The following PLBD1 variants were observed in gnomAD, a reference collection of about 807,000 sequenced individuals.
The protein encoded by PLBD1 is phospholipase B domain containing 1.
PLBD1 carries 60 observed loss-of-function variants against 63.0 expected under a neutral mutation model. The observed-to-expected ratio is 0.95, with a 90% CI of 0.77 to 1.18. PLBD1 has a LOEUF of 1.18. Among genes scored for constraint, PLBD1 ranks in the 50% most tolerant of loss-of-function variants. The probability of loss-of-function intolerance (pLI) is 0.00; values close to 1 mark genes in which losing one functional copy is unlikely to be tolerated. For missense variants in PLBD1, 598 were observed against 677.9 expected, an observed-to-expected ratio of 0.88 and a Z score of 1.31; for synonymous variants, 262 against 248.0, an observed-to-expected ratio of 1.06 and a Z score of -0.53.
intron 2 of PLBD1, among the ~76,000 whole-genome samples, chr12:14,548,735 T>C (rs1042622462): frequency 6.6e-6 from 1 of 152,172 alleles, no homozygotes; most frequent in Non-Finnish European, 1.5e-5. Context: ...TTGAAGAATG[T>C]AGTCAGGAAC....
At chr12:14,548,159 G>T (rs1040633493) in intron 2 of PLBD1, among the ~76,000 whole-genome samples, 1 of 151,874 alleles carries the variant, frequency 6.6e-6, no homozygotes, top group African/African-American at 2.4e-5. Context: ...TACATCATTA[G>T]AAATTTTTGA....
chr12:14,550,097 A>G (rs973357743), intron 2 of PLBD1, among the ~76,000 whole-genome samples: 1 of 152,170 alleles, frequency 6.6e-6, no homozygotes, highest in Non-Finnish European at 1.5e-5. Context: ...GTTCTCTTCT[A>G]TCAAGCACCA....
intron 1 of PLBD1, among the ~76,000 whole-genome samples, chr12:14,560,244 T>C (rs778775570): frequency 1.3e-5 from 2 of 152,228 alleles, no homozygotes; most frequent in African/African-American, 2.4e-5. Flanking sequence ...AAAATACTCA[T>C]AAGTAGCTTA....
chr12:14,540,886 T>C lies in PLBD1; in HGVS notation c.436A>G (p.Thr146Ala), dbSNP rs1271889753. The change falls in exon 4 of 11, where the codon ACC becomes GCC. Residue 146 changes from threonine (T) to alanine (A), a missense_variant. Thr to Ala is a moderately conservative substitution (Grantham distance 58). Transcript: ENST00000240617. The part of the protein sequence containing the change: ...QDFMEKQDKW[T>A]RKNIKEYKTD... Reference sequence around the variant, plus strand: ...TTGTATTCTTTGATATTTTTCCGGGTCCACTTATCTTGCTTCCTGGAAGAG... The same window carrying C: ...TTGTATTCTTTGATATTTTTCCGGGCCCACTTATCTTGCTTCCTGGAAGAG... 2 of 1,599,116 alleles carry C rather than the reference T, an allele frequency of 1.3e-6. No homozygotes were observed. The highest frequency in any genetic ancestry group is 1.7e-6 in the Non-Finnish European group (2 of 1,169,296).
intron 2 of PLBD1, among the ~76,000 whole-genome samples, chr12:14,549,722 G>A (rs761272478): frequency 2.0e-5 from 3 of 152,054 alleles, no homozygotes; most frequent in Non-Finnish European, 4.4e-5. Flanking sequence ...AGGCTGGAGT[G>A]CAATGGCGCA....
chr12:14,561,837 T>A (rs1592011773), intron 1 of PLBD1, among the ~76,000 whole-genome samples: 2 of 152,310 alleles, frequency 1.3e-5, no homozygotes, highest in Middle Eastern at 3.4e-3. Context: ...ATTACAGGCG[T>A]GAGCCACTGC....
intron 6 of PLBD1, among the ~76,000 whole-genome samples, chr12:14,512,473 A>G (rs1003105618): frequency 6.6e-6 from 1 of 152,156 alleles, no homozygotes; most frequent in Non-Finnish European, 1.5e-5. Context: ...TTATAAATGG[A>G]AAAACATCTA....
chr12:14,553,560 A>G (rs1945677664), intron 1 of PLBD1, 148 bp from the exon 2 acceptor site: 1 of 707,132 alleles, frequency 1.4e-6, no homozygotes, highest in Non-Finnish European at 2.3e-6. Context: ...GTTTGCCCTT[A>G]ATTCCAAGTG....
chr12:14,553,259 G>A lies in PLBD1; in HGVS notation c.269C>T (p.Ser90Phe), dbSNP rs1255775190. The A allele has an allele frequency of 1.2e-6, 2 of 1,614,134 alleles. No homozygotes were observed. The highest frequency in any genetic ancestry group is 1.3e-5 in the African/African-American group (1 of 75,046). ...GILEIRAGYGSQTLSNEIIMF... is the reference protein window; with the variant it reads ...GILEIRAGYGFQTLSNEIIMF... ...GATGATCTCATTGCTCAGGGTTTGAGAGCCATAGCCAGCTCTGATCTCCAG... is the reference window on the plus strand; with the variant it reads ...GATGATCTCATTGCTCAGGGTTTGAAAGCCATAGCCAGCTCTGATCTCCAG... Residue 90 changes from serine (S) to phenylalanine (F), a missense_variant, in exon 2 of 11, where the codon TCT becomes TTT. Coordinates refer to ENST00000240617, the MANE Select transcript of PLBD1 (RefSeq NM_024829.6).
intron 6 of PLBD1, among the ~76,000 whole-genome samples, chr12:14,529,966 C>T (rs1302781137): frequency 6.6e-6 from 1 of 152,158 alleles, no homozygotes; most frequent in Non-Finnish European, 1.5e-5. Context: ...TCCACAAATT[C>T]TTTGGCACCC....
At chr12:14,555,152 C>T (rs1055180819) in intron 1 of PLBD1, among the ~76,000 whole-genome samples, 2 of 152,202 alleles carry the variant, frequency 1.3e-5, no homozygotes, top group Non-Finnish European at 2.9e-5. Context: ...GACCTTTAAT[C>T]CATTCTTCGT....
chr12:14,539,752 C>T (rs1945550714), intron 4 of PLBD1, among the ~76,000 whole-genome samples: 1 of 150,752 alleles, frequency 6.6e-6, no homozygotes, highest in Non-Finnish European at 1.5e-5. Context: ...TGCCACTGCA[C>T]TCCAGCCTGG....
chr12:14,566,398 G>A (rs1473649191), intron 1 of PLBD1, among the ~76,000 whole-genome samples: 1 of 152,096 alleles, frequency 6.6e-6, no homozygotes, highest in Non-Finnish European at 1.5e-5. Context: ...ATTTAGGAAG[G>A]GGCATCCTCC....
chr12:14,503,961 A>G lies in PLBD1; in HGVS notation c.1480-7T>C, dbSNP rs1184563792. 1.4e-5 allele frequency: 23 copies of G among 1,595,560 alleles called. No homozygotes were observed. Among genetic ancestry groups the G allele is most frequent in the East Asian group, 1.1e-4 (5 of 44,550 alleles). ...CTAGGTAGATATCTGCCACCTGGAAAGAGGGAGGAGGAGGACATTTTAGAA... is the reference window on the plus strand; with the variant it reads ...CTAGGTAGATATCTGCCACCTGGAAGGAGGGAGGAGGAGGACATTTTAGAA... On this transcript the variant is annotated splice_polypyrimidine_tract_variant and splice_region_variant and intron_variant, in intron 10 of 10. Coordinates refer to ENST00000240617, the MANE Select transcript of PLBD1 (RefSeq NM_024829.6).
intron 2 of PLBD1, among the ~76,000 whole-genome samples, chr12:14,545,921 G>T (rs748845780): frequency 6.6e-6 from 1 of 151,766 alleles, no homozygotes; most frequent in Non-Finnish European, 1.5e-5. Context: ...GATCCATTCG[G>T]TTACTTTCTA....
At chr12:14,522,971 A>C (rs747189710) in intron 6 of PLBD1, among the ~76,000 whole-genome samples, 30 of 151,978 alleles carry the variant, frequency 2.0e-4, no homozygotes, top group Admixed American at 1.3e-4. Context: ...CAAATGCACC[A>C]CTTTTATTTA....
At chr12:14,515,897 CAA>C (rs71067801) in intron 6 of PLBD1, among the ~76,000 whole-genome samples, 1 of 143,786 alleles carries the variant, frequency 7.0e-6, no homozygotes, top group African/African-American at 2.6e-5. Context: ...ACTAAAAATA[CAA>C]AAAAAAAAAA....
intron 8 of PLBD1, among the ~76,000 whole-genome samples, 188 bp from the exon 9 acceptor site, chr12:14,507,306 T>C (rs189692808): frequency 3.3e-5 from 5 of 152,324 alleles, no homozygotes; most frequent in Admixed American, 6.5e-5. Context: ...CCTTTTAAAT[T>C]TCCTAAATCA....
At chr12:14,526,803 T>C (rs1411226605) in intron 6 of PLBD1, among the ~76,000 whole-genome samples, 1 of 151,878 alleles carries the variant, frequency 6.6e-6, no homozygotes, top group African/African-American at 2.4e-5. Flanking sequence ...AGAAACCCCA[T>C]CTCTACTAAA....
Sources: allele counts gnomAD v4.1 joint callset (sites outside exome capture counted in the v4.1 genomes callset), GRCh38; gene constraint gnomAD v4.1.1; transcripts MANE v1.5; gene names NCBI Gene and HGNC (gene_info 2026-07-23, HGNC 2026-07-21).